The following CEP63 variants were observed in gnomAD, a reference collection of about 807,000 sequenced individuals.
CEP63 encodes centrosomal protein of 63 kDa.
Under a neutral mutation model 89.1 loss-of-function variants are expected in CEP63, and 84 were observed. The observed-to-expected ratio is 0.94, with a 90% CI of 0.79 to 1.13. The LOEUF (loss-of-function observed/expected upper bound fraction) is 1.13. Ranked by LOEUF, CEP63 falls within the 50% of genes most tolerant of loss-of-function variation. The pLI is 0.00. For synonymous variants in CEP63, 267 were observed against 272.5 expected (o/e 0.98, Z 0.20); for missense variants, 838 against 813.3 (o/e 1.03, Z -0.37).
chr3:134,764,614 C>T, the CEP63 span, among the ~76,000 whole-genome samples: 1 of 152,184 alleles, frequency 6.6e-6, no homozygotes, highest in Non-Finnish European at 1.5e-5. Flanking sequence ...GGTGAATTGA[C>T]ACCTTCCCCA....
the CEP63 span, among the ~76,000 whole-genome samples, chr3:134,694,451 G>T: frequency 6.6e-6 from 1 of 152,164 alleles, no homozygotes; most frequent in Admixed American, 6.5e-5. Context: ...CCTGAGCGGA[G>T]CTGATCTACC....
intron 1 of CEP63, among the ~76,000 whole-genome samples, chr3:134,495,018 A>G (rs1939292832): frequency 6.6e-6 from 1 of 152,210 alleles, no homozygotes; most frequent in Non-Finnish European, 1.5e-5. Context: ...CTCACCCGAC[A>G]TTAGGAATTA....
At chr3:134,723,779 C>T in the CEP63 span, among the ~76,000 whole-genome samples, 1 of 152,198 alleles carries the variant, frequency 6.6e-6, no homozygotes, top group African/African-American at 2.4e-5. Context: ...GGCCTCCCAC[C>T]AGCACAGTGG....
chr3:134,521,444 G>A (rs1025964498), intron 3 of CEP63, among the ~76,000 whole-genome samples: 1 of 1,114 alleles, frequency 9.0e-4, no homozygotes, highest in African/African-American at 1.0e-3. Flanking sequence ...ATTCTGGATT[G>A]TTCCCCCGTT....
At chr3:134,495,485 A>G in intron 2 of CEP63, 121 bp downstream of exon 2, 1 of 695,252 alleles carries the variant, frequency 1.4e-6, no homozygotes, top group South Asian at 1.6e-5. Context: ...GGTATTTAGT[A>G]TACCTATCAG....
At chr3:134,516,928 G>C (rs1384331342) in intron 3 of CEP63, among the ~76,000 whole-genome samples, 1 of 152,168 alleles carries the variant, frequency 6.6e-6, no homozygotes, top group African/African-American at 2.4e-5. Flanking sequence ...AAGCTGCTTA[G>C]ATGAAATCTG....
Position 134,549,165 on chromosome 3 carries a change from G to A in CEP63, c.1171G>A (p.Glu391Lys). 6.2e-7 allele frequency: 1 copy of A among 1,605,050 alleles called. No homozygotes were observed. Among genetic ancestry groups the A allele is most frequent in the Non-Finnish European group, 8.5e-7 (1 of 1,171,878 alleles). Residue 391 changes from glutamate to lysine, a missense_variant, in exon 10 of 15, where the codon GAG (glutamate) becomes AAG (lysine). Physicochemically the swap from Glu to Lys is moderately conservative, Grantham distance 56 (BLOSUM62 1). Transcript: ENST00000675561. ...MEAHNNEYKA[E>K]IKKLKEQILQ... Reference sequence around the variant, plus strand: ...AGCACATAACAATGAATACAAAGCAGAGATTAAGAAGGTAAAAATCTGCAT... The same window carrying A: ...AGCACATAACAATGAATACAAAGCAAAGATTAAGAAGGTAAAAATCTGCAT...
At chr3:134,668,372 T>C in the CEP63 span, among the ~76,000 whole-genome samples, 17 of 152,236 alleles carry the variant, frequency 1.1e-4, no homozygotes, top group African/African-American at 3.4e-4. Flanking sequence ...ATGAAGCCTA[T>C]GGTCATGAGA....
the CEP63 span, among the ~76,000 whole-genome samples, chr3:134,747,163 C>T: frequency 6.6e-6 from 1 of 152,284 alleles, no homozygotes; most frequent in East Asian, 1.9e-4. Context: ...TTCCCAGCAC[C>T]AGTTATTAAA....
chr3:134,536,589 A>G (rs1418443019), intron 5 of CEP63: 1 of 158,442 alleles, frequency 6.3e-6, no homozygotes, highest in African/African-American at 2.4e-5. Context: ...TTTCTTTGTT[A>G]TTCAAACTTT....
the CEP63 span, among the ~76,000 whole-genome samples, chr3:134,602,667 G>T: frequency 6.6e-6 from 1 of 152,138 alleles, no homozygotes. Context: ...GCCTCTGGAG[G>T]CTCTCTGTGG....
intron 6 of CEP63, among the ~76,000 whole-genome samples, chr3:134,543,845 AG>A (rs77530651): frequency 0.63 from 96,346 of 151,968 alleles, 31,293 homozygotes; most frequent in East Asian, 0.81. Context: ...CCTCTTTGAA[AG>A]AAAAGTTTAT....
chr3:134,498,346 C>A (rs755002605), intron 2 of CEP63, among the ~76,000 whole-genome samples: 1 of 150,496 alleles, frequency 6.6e-6, no homozygotes. Context: ...TTTTTGATTT[C>A]TCTTTCAGCT....
intron 9 of CEP63, among the ~76,000 whole-genome samples, chr3:134,547,798 G>A (rs551204573): frequency 5.3e-4 from 81 of 151,506 alleles, no homozygotes; most frequent in African/African-American, 1.9e-3. Flanking sequence ...TTGTAGAGAC[G>A]GTGTTTCACC....
At chr3:134,608,593 C>G in the CEP63 span, 1 of 1,613,576 alleles carries the variant, frequency 6.2e-7, no homozygotes, top group Non-Finnish European at 8.5e-7. Flanking sequence ...TCCTGGAGGA[C>G]AGTGCGAAAT....
chr3:134,507,269 G>GTAATTTGGGGGAAAAGTTTAATA lies in CEP63; in HGVS notation c.205_206insTAATTTGGGGGAAAAGTTTAATA (p.Asp69ValfsTer10). 1 of 1,613,098 alleles carries GTAATTTGGGGGAAAAGTTTAATA rather than the reference G, an allele frequency of 6.2e-7. No individual in the cohort carries two copies. Among genetic ancestry groups the GTAATTTGGGGGAAAAGTTTAATA allele is most frequent in the Non-Finnish European group, 8.5e-7 (1 of 1,179,354 alleles). ...ACTTAAGAGTCTTAGGAGTCAGTTGGATGTGACACATAAGGAGGTAAAGCA... is the reference window on the plus strand; with the variant it reads ...ACTTAAGAGTCTTAGGAGTCAGTTGGTAATTTGGGGGAAAAGTTTAATAATGTGACACATAAGGAGGTAAAGCA... On this transcript the variant is annotated frameshift_variant, in exon 3 of 15. Coordinates refer to ENST00000675561, the MANE Select transcript of CEP63 (RefSeq NM_001353108.3). LOFTEE classifies it high-confidence loss of function.
chr3:134,724,687 A>C, the CEP63 span, among the ~76,000 whole-genome samples: 1 of 152,252 alleles, frequency 6.6e-6, no homozygotes, highest in African/African-American at 2.4e-5. Flanking sequence ...TTATAGAGGA[A>C]CATATTAAAT....
At chr3:134,589,152 A>G (rs1480596804), downstream of CEP63, among the ~76,000 whole-genome samples, 3 of 152,186 alleles carry the variant, frequency 2.0e-5, no homozygotes, top group East Asian at 1.9e-4. Flanking sequence ...CTATACAACA[A>G]ACTCTTTCAG....
chr3:134,720,313 T>C, the CEP63 span, among the ~76,000 whole-genome samples: 2 of 152,302 alleles, frequency 1.3e-5, no homozygotes, highest in East Asian at 3.9e-4. Flanking sequence ...TAGGTTACTT[T>C]TCTTTTTAAT....
Sources: allele counts gnomAD v4.1 joint callset (sites outside exome capture counted in the v4.1 genomes callset), GRCh38; gene constraint gnomAD v4.1.1; transcripts MANE v1.5; gene names NCBI Gene and HGNC (gene_info 2026-07-23, HGNC 2026-07-21).